The following CA10 variants were observed in gnomAD, a reference collection of about 807,000 sequenced individuals.
CA10 encodes the protein carbonic anhydrase 10 (inactive), also known as carbonic anhydrase-related protein 10.
Under a neutral mutation model 44.2 loss-of-function variants are expected in CA10, and 14 were observed. That is an observed-to-expected ratio of 0.32 (90% CI 0.21 to 0.50). CA10 has a LOEUF of 0.50. Among genes scored for constraint, CA10 ranks in the 20% least tolerant of loss-of-function variants. The pLI is 0.99. For missense variants in CA10, 350 were observed against 409.7 expected, an observed-to-expected ratio of 0.85 and a Z score of 1.26; for synonymous variants, 159 against 141.6, an observed-to-expected ratio of 1.12 and a Z score of -0.87.
intron 4 of CA10, among the ~76,000 whole-genome samples, chr17:51,658,985 G>A (rs1913901205): frequency 6.6e-6 from 1 of 152,140 alleles, no homozygotes; most frequent in South Asian, 2.1e-4. Flanking sequence ...CTCTCATGAT[G>A]CTCTCACCCA....
At chr17:52,012,342 A>C (rs944476779) in intron 2 of CA10, among the ~76,000 whole-genome samples, 1 of 152,046 alleles carries the variant, frequency 6.6e-6, no homozygotes, top group Admixed American at 6.6e-5. Flanking sequence ...GATAGGTAGG[A>C]GAATCAAAGA....
intron 1 of CA10, among the ~76,000 whole-genome samples, chr17:52,104,519 T>C (rs1049073558): frequency 6.6e-6 from 1 of 152,202 alleles, no homozygotes; most frequent in Non-Finnish European, 1.5e-5. Context: ...GCCTTGTTCT[T>C]AGCTGTCTTT....
intron 1 of CA10, among the ~76,000 whole-genome samples, chr17:52,117,784 T>C (rs1308745435): frequency 6.6e-6 from 1 of 152,178 alleles, no homozygotes; most frequent in Non-Finnish European, 1.5e-5. Flanking sequence ...GTGTTTTTAG[T>C]AAAAGATTAT....
chr17:51,861,000 A>G (rs1979279238), intron 3 of CA10, among the ~76,000 whole-genome samples: 1 of 152,150 alleles, frequency 6.6e-6, no homozygotes, highest in Admixed American at 6.6e-5. Flanking sequence ...CTTAACATAA[A>G]ATACCTTCCA....
intron 3 of CA10, among the ~76,000 whole-genome samples, chr17:51,867,649 T>C (rs1220247000): frequency 2.6e-5 from 4 of 152,180 alleles, no homozygotes; most frequent in Non-Finnish European, 5.9e-5. Flanking sequence ...CTATATTGTT[T>C]TCATAGTTCA....
chr17:51,962,140 C>T (rs982370874), intron 2 of CA10, among the ~76,000 whole-genome samples: 1 of 152,254 alleles, frequency 6.6e-6, no homozygotes, highest in Non-Finnish European at 1.5e-5. Context: ...CTGCCCCACC[C>T]TTTCTGTGCA....
chr17:52,038,334 T>G (rs148605103), intron 2 of CA10, among the ~76,000 whole-genome samples: 327 of 152,266 alleles, frequency 2.1e-3, no homozygotes, highest in African/African-American at 7.4e-3. Context: ...TTTAAAATAC[T>G]GTTATCGTTC....
intron 3 of CA10, chr17:51,761,882 A>G (rs1470667456): frequency 6.6e-6 from 1 of 152,188 alleles, no homozygotes; most frequent in Non-Finnish European, 1.5e-5. Context: ...TGCTATTTAC[A>G]ACTGAAGCCC....
intron 3 of CA10, among the ~76,000 whole-genome samples, chr17:51,765,748 TA>T (rs1316387776): frequency 1.6e-4 from 23 of 148,032 alleles, no homozygotes; most frequent in South Asian, 4.4e-4. Context: ...TGCATGTGTT[TA>T]GGGGGGGTTG....
At chr17:51,882,943 C>A (rs887736097) in intron 3 of CA10, among the ~76,000 whole-genome samples, 1 of 152,080 alleles carries the variant, frequency 6.6e-6, no homozygotes, top group African/African-American at 2.4e-5. Flanking sequence ...CAGATATAAT[C>A]CTGGCTGGGT....
chr17:51,768,671 C>A (rs1534203), intron 3 of CA10, among the ~76,000 whole-genome samples: 46,406 of 152,044 alleles, frequency 0.31, 8,325 homozygotes, highest in East Asian at 0.52. Context: ...ATGACAGTTA[C>A]CTTCTCTCCA....
chr17:52,061,974 A>T (rs1240860648), intron 2 of CA10, among the ~76,000 whole-genome samples: 2 of 151,952 alleles, frequency 1.3e-5, no homozygotes, highest in African/African-American at 2.4e-5. Context: ...GTCTCTTGGA[A>T]GGGGTGGTCA....
chr17:51,718,244 T>G (rs111260527), intron 4 of CA10, among the ~76,000 whole-genome samples: 2,672 of 87,052 alleles, frequency 0.031, 97 homozygotes, highest in African/African-American at 0.097. Flanking sequence ...AAAAAAGATT[T>G]AAAATGAAAT....
chr17:52,062,712 C>T (rs1987423022), intron 2 of CA10, among the ~76,000 whole-genome samples: 1 of 152,222 alleles, frequency 6.6e-6, no homozygotes, highest in Admixed American at 6.5e-5. Context: ...GGTGCTAAGT[C>T]TGTAGGCTCC....
At position 51,977,046 on chromosome 17, in the gene CA10, G is replaced by T. The variant is rs570547793; in HGVS notation, c.137-45914C>A. ...TGTGACCAACCCTGTATACATTTTA[G>T]AAACTTAATTTTAATTAAATAATTC... On this transcript the variant is annotated intron_variant, in intron 2 of 8. Transcript: ENST00000451037. Among the ~76,000 whole-genome samples, 9 of 150,416 alleles carry T rather than the reference G, an allele frequency of 6.0e-5. No homozygotes were observed. In the South Asian group the frequency reaches 2.0e-3, roughly 33 times the overall value.
chr17:51,772,199 A>C (rs1159085835), intron 3 of CA10, among the ~76,000 whole-genome samples: 1 of 152,206 alleles, frequency 6.6e-6, no homozygotes, highest in African/African-American at 2.4e-5. Context: ...AATACATGTA[A>C]AGATAGTTGA....
chr17:51,964,275 G>C (rs1983998490), intron 2 of CA10, among the ~76,000 whole-genome samples: 1 of 151,938 alleles, frequency 6.6e-6, no homozygotes, highest in African/African-American at 2.4e-5. Context: ...ACAACTTCTA[G>C]AACTGTAGAA....
At chr17:51,739,221 T>C (rs1904364184) in intron 4 of CA10, among the ~76,000 whole-genome samples, 1 of 152,024 alleles carries the variant, frequency 6.6e-6, no homozygotes, top group Admixed American at 6.6e-5. Context: ...TCCTGCAGCG[T>C]TGGAAATGAG....
At chr17:51,822,325 C>T (rs62063183) in intron 3 of CA10, among the ~76,000 whole-genome samples, 18,688 of 151,900 alleles carry the variant, frequency 0.12, 1,368 homozygotes, top group Non-Finnish European at 0.16. Flanking sequence ...GGCTGAGACA[C>T]GAGAATAGCT....
Sources: allele counts gnomAD v4.1 joint callset (sites outside exome capture counted in the v4.1 genomes callset), GRCh38; gene constraint gnomAD v4.1.1; transcripts MANE v1.5; gene names NCBI Gene and HGNC (gene_info 2026-07-23, HGNC 2026-07-21).